Variants in CCDC57 observed in about 807,000 individuals in gnomAD.
CCDC57 encodes the protein coiled-coil domain containing 57.
Under a neutral mutation model 118.9 loss-of-function variants are expected in CCDC57, and 118 were observed. That is an observed-to-expected ratio of 0.99 (90% CI 0.86 to 1.16). The LOEUF (loss-of-function observed/expected upper bound fraction) is 1.16. Among genes scored for constraint, CCDC57 ranks in the 50% most tolerant of loss-of-function variants. The pLI, the probability that CCDC57 is intolerant of heterozygous loss-of-function variation, is 0.00. For synonymous variants in CCDC57, 527 were observed against 532.9 expected (o/e 0.99, Z 0.15); for missense variants, 1,300 against 1,320.7 (o/e 0.98, Z 0.24).
At chr17:82,178,646 G>A (rs778465747) in intron 10 of CCDC57, 41 bp from the exon 10 acceptor site, 66 of 1,599,404 alleles carry the variant, frequency 4.1e-5, no homozygotes, top group Non-Finnish European at 4.8e-5. Flanking sequence ...GTGGATGACC[G>A]GGCAGCTCCC....
intron 3 of CCDC57, among the ~76,000 whole-genome samples, chr17:82,199,991 T>C (rs1568472055): frequency 6.6e-6 from 1 of 152,120 alleles, no homozygotes; most frequent in Non-Finnish European, 1.5e-5. Context: ...TCAGGGTACA[T>C]CTGCTGCAGG....
chr17:82,174,677 G>C (rs1034921489), intron 11 of CCDC57, among the ~76,000 whole-genome samples: 1 of 152,182 alleles, frequency 6.6e-6, no homozygotes, highest in Non-Finnish European at 1.5e-5. Context: ...GTTCGTGTCC[G>C]GCATAGCATC....
chr17:82,179,652 G>A (rs2045957578), intron 9 of CCDC57, among the ~76,000 whole-genome samples: 1 of 152,080 alleles, frequency 6.6e-6, no homozygotes, highest in Admixed American at 6.6e-5. Flanking sequence ...AGAGCCCCCC[G>A]AGCGAGTGCA....
chr17:82,198,226 T>C (rs1268249171), intron 4 of CCDC57, 88 bp downstream of exon 3: 2 of 750,060 alleles, frequency 2.7e-6, no homozygotes, highest in East Asian at 2.7e-5. Context: ...AACCAAATGG[T>C]TGTCTTTTCC....
chr17:82,133,898 A>C (rs758924440), intron 17 of CCDC57, among the ~76,000 whole-genome samples, 175 bp downstream of exon 16: 8 of 152,128 alleles, frequency 5.3e-5, no homozygotes, highest in African/African-American at 9.7e-5. Flanking sequence ...CCAAACCAAA[A>C]CAAAACAAAA....
chr17:82,203,010 A>G (rs2049178972), intron 2 of CCDC57, among the ~76,000 whole-genome samples: 1 of 152,138 alleles, frequency 6.6e-6, no homozygotes, highest in Non-Finnish European at 1.5e-5. Context: ...TATGGTTTCG[A>G]TATTTATCCC....
chr17:82,123,346 G>A (rs1169636629), intron 19 of CCDC57, among the ~76,000 whole-genome samples: 1 of 143,484 alleles, frequency 7.0e-6, no homozygotes, highest in African/African-American at 2.6e-5. Context: ...CCAGGCTGGT[G>A]TGGAACCTCT....
chr17:82,186,457 C>T (rs933458729), intron 8 of CCDC57, among the ~76,000 whole-genome samples: 7 of 152,152 alleles, frequency 4.6e-5, no homozygotes, highest in Non-Finnish European at 7.3e-5. Context: ...CCACAGAGGT[C>T]GCCCCGCACA....
intron 19 of CCDC57, among the ~76,000 whole-genome samples, chr17:82,111,824 T>C (rs7221078): frequency 0.01 from 1,541 of 152,044 alleles, 22 homozygotes; most frequent in African/African-American, 0.036. Flanking sequence ...CCAGGCTGGT[T>C]GTGAACTCCT....
rs2050215582 is a variant in CCDC57, at chr17:82,212,244, C to T, written c.-211+541G>A. Reference sequence around the variant, plus strand: ...GGATTACAGGCGTGCACCACCACGCCCAATAATTTTTGTATTTTTAGTAGA... The same window carrying T: ...GGATTACAGGCGTGCACCACCACGCTCAATAATTTTTGTATTTTTAGTAGA... On this transcript the variant is annotated intron_variant, in intron 1 of 19. Coordinates refer to ENST00000665763, the Ensembl canonical transcript of CCDC57. This position sits in a 1 kb window ranked among gnomAD's most constrained non-coding sequence, Gnocchi z 4.1. Among the ~76,000 whole-genome samples the T allele has an allele frequency of 6.6e-6, 1 of 152,014 alleles. No homozygotes were observed. Among genetic ancestry groups the T allele is most frequent in the Admixed American group, 6.6e-5 (1 of 15,236 alleles).
chr17:82,141,704 C>G (rs1038868095), intron 16 of CCDC57, among the ~76,000 whole-genome samples: 14 of 152,162 alleles, frequency 9.2e-5, no homozygotes, highest in African/African-American at 3.4e-4. Flanking sequence ...GGTTTTCATG[C>G]AGACGTGTGA....
chr17:82,177,533 GCGAGAC>G (rs1258569421), intron 11 of CCDC57, among the ~76,000 whole-genome samples: 1 of 152,146 alleles, frequency 6.6e-6, no homozygotes, highest in Admixed American at 6.5e-5. Flanking sequence ...GGGCAACAAA[GCGAGAC>G]CGAGACCGTG....
intron 16 of CCDC57, among the ~76,000 whole-genome samples, chr17:82,149,208 GATGA>G (rs1166404276): frequency 3.5e-5 from 5 of 143,440 alleles, no homozygotes; most frequent in Non-Finnish European, 7.6e-5. Flanking sequence ...TGAGTGGGTG[GATGA>G]ATGGATGGGT....
chr17:82,200,343 G>C (rs952930813), intron 3 of CCDC57, among the ~76,000 whole-genome samples: 1 of 152,214 alleles, frequency 6.6e-6, no homozygotes, highest in Non-Finnish European at 1.5e-5. Flanking sequence ...AGCAGTGTGC[G>C]CAGGTGGCTC....
At chr17:82,133,686 C>G (rs1330311623) in intron 17 of CCDC57, among the ~76,000 whole-genome samples, 1 of 151,840 alleles carries the variant, frequency 6.6e-6, no homozygotes, top group Non-Finnish European at 1.5e-5. Flanking sequence ...TATGGTAAAA[C>G]CCCATCTCTA....
chr17:82,158,554 G>A (rs957074906), intron 14 of CCDC57, among the ~76,000 whole-genome samples: 8 of 151,900 alleles, frequency 5.3e-5, no homozygotes, highest in Non-Finnish European at 1.2e-4. Context: ...CGGGCATGGC[G>A]GTGGGTGCCT....
At chr17:82,124,664 C>T (rs1357428977) in intron 19 of CCDC57, among the ~76,000 whole-genome samples, 2 of 151,952 alleles carry the variant, frequency 1.3e-5, no homozygotes, top group African/African-American at 4.8e-5. Flanking sequence ...AGCGTGGTGG[C>T]GTGTCCCTGT....
At position 82,172,787 on chromosome 17, in the gene CCDC57, T is replaced by C; in HGVS notation, c.1580A>G (p.Gln527Arg). The C allele has an allele frequency of 6.2e-7, 1 of 1,613,558 alleles. No homozygotes were observed. The highest frequency in any genetic ancestry group is 8.5e-7 in the Non-Finnish European group (1 of 1,179,746). Residue 527 changes from glutamine to arginine, a missense_variant, in exon 12 of 20, where the codon CAG (glutamine) becomes CGG (arginine). Gln to Arg is a conservative substitution (Grantham distance 43, BLOSUM62 1). Coordinates refer to ENST00000665763, the Ensembl canonical transcript of CCDC57. The surrounding 1 kb of genome is among the most constrained non-coding windows in gnomAD (Gnocchi z 5.2). ...AATCGCGTTTCGCAAGCTCGTGTTC[T>C]GCTCTCGGAGCCGCTGGATCTCACT...
intron 19 of CCDC57, among the ~76,000 whole-genome samples, chr17:82,122,667 G>A (rs2036881745): frequency 6.6e-6 from 1 of 152,194 alleles, no homozygotes; most frequent in African/African-American, 2.4e-5. Flanking sequence ...CTGGGCAAGT[G>A]CACAGCACTG....
Sources: gnomAD v4.1 joint callset for allele counts (sites outside exome capture counted in the v4.1 genomes callset) on GRCh38, gnomAD v4.1.1 for gene constraint, Gnocchi (gnomAD v3.1) non-coding constraint, MANE v1.5 for transcripts, NCBI Gene and HGNC (gene_info 2026-07-23, HGNC 2026-07-21) for gene names.